Variants in LINGO2 observed in about 807,000 individuals in gnomAD.
LINGO2 encodes the protein leucine-rich repeat and immunoglobulin-like domain-containing nogo receptor-interacting protein 2.
LINGO2 carries 14 observed loss-of-function variants against 30.6 expected under a neutral mutation model. The ratio of observed to expected loss-of-function variants is 0.46; its 90% CI spans 0.30 to 0.72. The LOEUF is 0.72. Ranked by LOEUF, LINGO2 falls within the 30% of genes least tolerant of loss-of-function variation. The probability of loss-of-function intolerance (pLI) is 0.07; values close to 1 mark genes in which losing one functional copy is unlikely to be tolerated. For missense variants in LINGO2, 729 were observed against 751.7 expected (o/e 0.97, Z 0.35); for synonymous variants, 317 against 288.5 (o/e 1.10, Z -1.00).
chr9:29,119,265 GGAA>G, the LINGO2 span, among the ~76,000 whole-genome samples: 1 of 152,116 alleles, frequency 6.6e-6, no homozygotes, highest in Non-Finnish European at 1.5e-5. Context: ...TCTATGGAAT[GGAA>G]GAAATTATTT....
At chr9:29,141,125 T>G in the LINGO2 span, among the ~76,000 whole-genome samples, 11 of 152,026 alleles carry the variant, frequency 7.2e-5, no homozygotes, top group Non-Finnish European at 1.2e-4. Context: ...GGTAAATATT[T>G]AGACAAATAC....
chr9:28,213,114 A>G (rs1471762651), intron 4 of LINGO2, among the ~76,000 whole-genome samples: 1 of 151,530 alleles, frequency 6.6e-6, no homozygotes, highest in Non-Finnish European at 1.5e-5. Context: ...CATAGCAAAC[A>G]CATTCTTATG....
intron 4 of LINGO2, among the ~76,000 whole-genome samples, chr9:28,074,101 C>A (rs764870440): frequency 6.6e-6 from 1 of 152,098 alleles, no homozygotes; most frequent in Non-Finnish European, 1.5e-5. Flanking sequence ...TGTTGTCTAG[C>A]CGTGGCACCA....
At chr9:28,647,893 C>CTT (rs5897315) in intron 1 of LINGO2, among the ~76,000 whole-genome samples, 136 of 130,236 alleles carry the variant, frequency 1.0e-3, no homozygotes, top group East Asian at 7.9e-3. Context: ...TTCTTTCTTT[C>CTT]TTTTTTTTTT....
the LINGO2 span, among the ~76,000 whole-genome samples, chr9:28,715,069 T>A: frequency 1.3e-5 from 2 of 152,322 alleles, no homozygotes; most frequent in Non-Finnish European, 2.9e-5. Context: ...TCTAGCATAC[T>A]GTAACCTGAC....
At chr9:29,058,245 A>G in the LINGO2 span, among the ~76,000 whole-genome samples, 7,275 of 152,178 alleles carry the variant, frequency 0.048, 558 homozygotes, top group African/African-American at 0.16. Context: ...GACAATCAGA[A>G]GAGAATTGAA....
chr9:28,880,022 T>C, the LINGO2 span, among the ~76,000 whole-genome samples: 1 of 152,204 alleles, frequency 6.6e-6, no homozygotes, highest in African/African-American at 2.4e-5. Flanking sequence ...TCCTGCCAGC[T>C]ATAAGATTCA....
intron 1 of LINGO2, among the ~76,000 whole-genome samples, chr9:28,652,339 TC>T (rs1482317840): frequency 6.6e-6 from 1 of 152,180 alleles, no homozygotes; most frequent in African/African-American, 2.4e-5. Context: ...GTTGGCACTT[TC>T]CAAAAGTTTA....
At chr9:27,973,112 G>A (rs1587581575) in intron 5 of LINGO2, among the ~76,000 whole-genome samples, 1 of 152,222 alleles carries the variant, frequency 6.6e-6, no homozygotes, top group Admixed American at 6.5e-5. Flanking sequence ...GAGAGCAGAT[G>A]GTAGGACTTC....
At chr9:28,238,192 G>A (rs546306068) in intron 4 of LINGO2, among the ~76,000 whole-genome samples, 1 of 152,044 alleles carries the variant, frequency 6.6e-6, no homozygotes, top group African/African-American at 2.4e-5. Flanking sequence ...AATAGATGGA[G>A]ATTTCAACAC....
intron 1 of LINGO2, among the ~76,000 whole-genome samples, chr9:28,622,724 C>T (rs1314664824): frequency 7.6e-6 from 1 of 130,824 alleles, no homozygotes; most frequent in Admixed American, 8.4e-5. Context: ...CATATGGCAG[C>T]TCTATTTTTT....
chr9:28,508,594 T>G (rs1820246546), intron 1 of LINGO2, among the ~76,000 whole-genome samples: 2 of 152,166 alleles, frequency 1.3e-5, no homozygotes, highest in Admixed American at 1.3e-4. Context: ...CTACTGGAAT[T>G]AGTCTTTTGT....
At chr9:29,101,367 C>T in the LINGO2 span, among the ~76,000 whole-genome samples, 3 of 152,114 alleles carry the variant, frequency 2.0e-5, no homozygotes, top group African/African-American at 7.2e-5. Context: ...GAAAGAGATT[C>T]ATAACAGGAA....
chr9:28,528,855 GATATTTTTAGTTTTGTCATAAAAAATC>G (rs1821125097), intron 1 of LINGO2, among the ~76,000 whole-genome samples: 1 of 151,598 alleles, frequency 6.6e-6, no homozygotes, highest in Non-Finnish European at 1.5e-5. Flanking sequence ...AATAAAATTT[GATATTTTTAGTTTTGTCATAAAAAATC>G]AACATTATTT....
intron 4 of LINGO2, among the ~76,000 whole-genome samples, chr9:28,137,331 A>G (rs191594774): frequency 1.3e-5 from 2 of 152,106 alleles, no homozygotes; most frequent in Non-Finnish European, 2.9e-5. Context: ...TTAAATATTT[A>G]TTAATTTAAC....
chr9:28,434,037 A>G (rs1367351686), intron 2 of LINGO2, among the ~76,000 whole-genome samples: 1 of 150,914 alleles, frequency 6.6e-6, no homozygotes, highest in Non-Finnish European at 1.5e-5. Flanking sequence ...GAACAAAATA[A>G]TGTCTTTTGT....
the LINGO2 span, among the ~76,000 whole-genome samples, chr9:29,116,564 C>G: frequency 2.0e-3 from 303 of 151,908 alleles, 1 homozygote; most frequent in African/African-American, 6.9e-3. Context: ...ATGGTGATCA[C>G]ATTAATTATT....
At chr9:28,841,904 G>A in the LINGO2 span, among the ~76,000 whole-genome samples, 4 of 151,700 alleles carry the variant, frequency 2.6e-5, no homozygotes, top group South Asian at 6.2e-4. Flanking sequence ...AATAAAAACC[G>A]CCTTCCTCAT....
chr9:28,843,338 C>A, the LINGO2 span, among the ~76,000 whole-genome samples: 1 of 151,416 alleles, frequency 6.6e-6, no homozygotes, highest in Non-Finnish European at 1.5e-5. Context: ...TTATTCTGAC[C>A]TCATATATGT....
Sources: gnomAD v4.1 joint callset for allele counts (sites outside exome capture counted in the v4.1 genomes callset) on GRCh38, gnomAD v4.1.1 for gene constraint, MANE v1.5 for transcripts, NCBI Gene and HGNC (gene_info 2026-07-23, HGNC 2026-07-21) for gene names.